Variants in SAXO1 observed in about 807,000 individuals in gnomAD.
SAXO1 encodes stabilizer of axonemal microtubules 1, also known as 4930500O09Rik.
Under a neutral mutation model 17.5 loss-of-function variants are expected in SAXO1, and 21 were observed. The ratio of observed to expected loss-of-function variants is 1.20; its 90% CI spans 0.85 to 1.72. The LOEUF is 1.72. Among genes scored for constraint, SAXO1 ranks in the 40% most tolerant of loss-of-function variants. The pLI is 0.00. For missense variants in SAXO1, 843 were observed against 596.0 expected (o/e 1.41, Z -4.32); for synonymous variants, 274 against 216.5 (o/e 1.27, Z -2.33).
intron 1 of SAXO1, among the ~76,000 whole-genome samples, chr9:18,962,881 C>T (rs1199511408): frequency 2.6e-5 from 4 of 152,156 alleles, no homozygotes; most frequent in African/African-American, 4.8e-5. Flanking sequence ...CCCATGCCTA[C>T]GTCCTGAATG....
chr9:19,005,546 C>T (rs1834449531), intron 1 of SAXO1, among the ~76,000 whole-genome samples: 1 of 152,092 alleles, frequency 6.6e-6, no homozygotes, highest in African/African-American at 2.4e-5. Context: ...CCTTTTTTAA[C>T]AAATGGCACA....
Position 18,928,840 on chromosome 9 carries a change from C to A in SAXO1, c.637G>T (p.Ala213Ser). 1 of 1,614,132 alleles carries A rather than the reference C, an allele frequency of 6.2e-7. No homozygotes were observed. The highest frequency in any genetic ancestry group is 8.5e-7 in the Non-Finnish European group (1 of 1,180,042). Residue 213 changes from alanine (A) to serine (S), a missense_variant, in exon 4 of 4, where the codon GCC becomes TCC. Transcript: ENST00000380534. The part of the protein sequence containing the change: ...DVTNYKMSYV[A>S]HPVEKRFVHE... ...ACAAAGCGCTTCTCCACGGGGTGGG[C>A]CACATAGCTCATCTTGTAGTTAGTC...
At chr9:19,030,435 G>A (rs1043594813) in intron 1 of SAXO1, among the ~76,000 whole-genome samples, 1 of 152,154 alleles carries the variant, frequency 6.6e-6, no homozygotes. Context: ...TGCCAGGCTC[G>A]GTGGCTCACG....
chr9:18,968,120 T>C (rs1202589058), intron 1 of SAXO1, among the ~76,000 whole-genome samples: 2 of 152,212 alleles, frequency 1.3e-5, no homozygotes, highest in Non-Finnish European at 2.9e-5. Flanking sequence ...AGTACCTCAG[T>C]TGGAAATGCA....
At chr9:19,033,807 A>G (rs2131059868), upstream of SAXO1, among the ~76,000 whole-genome samples, 1 of 152,236 alleles carries the variant, frequency 6.6e-6, no homozygotes, top group East Asian at 1.9e-4. Context: ...CCCCACCCCC[A>G]GTTTCTGATT....
At chr9:18,993,429 G>A (rs1833889291) in intron 1 of SAXO1, among the ~76,000 whole-genome samples, 1 of 152,128 alleles carries the variant, frequency 6.6e-6, no homozygotes, top group Non-Finnish European at 1.5e-5. Context: ...TCCTGCAGAA[G>A]CTACAGGACT....
chr9:19,041,361 T>A (rs1050812192), intron 1 of SAXO1, among the ~76,000 whole-genome samples: 1 of 152,134 alleles, frequency 6.6e-6, no homozygotes, highest in African/African-American at 2.4e-5. Flanking sequence ...GTTAAAATGT[T>A]CATGCTACCC....
At chr9:18,951,722 T>C (rs1391383716) in intron 1 of SAXO1, among the ~76,000 whole-genome samples, 1 of 152,216 alleles carries the variant, frequency 6.6e-6, no homozygotes, top group Non-Finnish European at 1.5e-5. Flanking sequence ...TGTTGGCAAG[T>C]TTGTTTATTG....
At chr9:19,000,566 C>A (rs62560402) in intron 1 of SAXO1, among the ~76,000 whole-genome samples, 3 of 152,132 alleles carry the variant, frequency 2.0e-5, no homozygotes, top group African/African-American at 7.2e-5. Context: ...TCTGCCCATA[C>A]GCCCCACCAT....
intron 1 of SAXO1, chr9:19,027,774 T>G: frequency 6.6e-7 from 1 of 1,507,218 alleles, no homozygotes; most frequent in Non-Finnish European, 9.1e-7. Context: ...CTGGAGCTTC[T>G]GAACCAGCTG....
At chr9:18,972,531 T>C (rs1464314986) in intron 1 of SAXO1, among the ~76,000 whole-genome samples, 1 of 152,196 alleles carries the variant, frequency 6.6e-6, no homozygotes, top group Non-Finnish European at 1.5e-5. Flanking sequence ...TCTCAATCTT[T>C]ACAATCTTAT....
At chr9:19,001,789 A>T (rs995537154) in intron 1 of SAXO1, among the ~76,000 whole-genome samples, 5 of 152,228 alleles carry the variant, frequency 3.3e-5, no homozygotes, top group Non-Finnish European at 7.3e-5. Flanking sequence ...CATAAGAGAA[A>T]GCATGAAAGA....
At chr9:18,982,463 CA>C (rs1833430306) in intron 1 of SAXO1, among the ~76,000 whole-genome samples, 1 of 152,184 alleles carries the variant, frequency 6.6e-6, no homozygotes, top group Admixed American at 6.5e-5. Context: ...CTGCAAAGTA[CA>C]ATGAAACACA....
In SAXO1 at chr9:18,928,307, C is replaced by T; in HGVS notation, c.1170G>A (p.Lys390=). Residue 390 remains lysine (K), a synonymous_variant, in exon 4 of 4, where the codon AAG becomes AAA. Coordinates refer to ENST00000380534, the MANE Select transcript of SAXO1 (RefSeq NM_153707.4). The part of the protein sequence containing the change: ...PHLPINTKSC[K]PHWSGPRGNV... ...TTCCTCGAGGGCCAGACCAATGAGG[C>T]TTACAGCTTTTGGTATTGATAGGCA... 1.2e-6 allele frequency: 2 copies of T among 1,613,318 alleles called. No individual in the cohort carries two copies. Among genetic ancestry groups the T allele is most frequent in the Non-Finnish European group, 1.7e-6 (2 of 1,179,592 alleles).
In SAXO1 at chr9:18,941,617, G is replaced by A. The variant is rs1196086839; in HGVS notation, c.421+20C>T. 1.4e-5 allele frequency: 23 copies of A among 1,613,218 alleles called. No homozygotes were observed. Among genetic ancestry groups the A allele is most frequent in the Non-Finnish European group, 1.5e-5 (18 of 1,179,534 alleles). On this transcript the variant is annotated intron_variant, in intron 3 of 3. Transcript: ENST00000380534. ...GCTCAGCCTGTCTTTCCCCCAATCTGCCCCTCTGTGCTCTCCCACCTTTAT... is the reference window on the plus strand; with the variant it reads ...GCTCAGCCTGTCTTTCCCCCAATCTACCCCTCTGTGCTCTCCCACCTTTAT...
chr9:18,972,166 A>G (rs879911608), intron 1 of SAXO1, among the ~76,000 whole-genome samples: 2 of 152,246 alleles, frequency 1.3e-5, no homozygotes, highest in Non-Finnish European at 2.9e-5. Flanking sequence ...AGGTGTTAGG[A>G]GAAAACAGGC....
At chr9:19,048,348 T>G (rs982127520) in intron 1 of SAXO1, among the ~76,000 whole-genome samples, 1 of 152,050 alleles carries the variant, frequency 6.6e-6, no homozygotes, top group South Asian at 2.1e-4. Context: ...TCCCAGCTAT[T>G]TGGGGGACTG....
At chr9:19,007,173 C>T (rs1834517607) in intron 1 of SAXO1, among the ~76,000 whole-genome samples, 1 of 151,798 alleles carries the variant, frequency 6.6e-6, no homozygotes, top group Non-Finnish European at 1.5e-5. Context: ...ATGGTGAAAC[C>T]CCATCTCTAC....
chr9:19,023,501 G>C (rs894123462), intron 1 of SAXO1, among the ~76,000 whole-genome samples: 4 of 152,120 alleles, frequency 2.6e-5, no homozygotes, highest in Non-Finnish European at 4.4e-5. Flanking sequence ...CTGTGAAATG[G>C]TTTAACATGA....
Sources: gnomAD v4.1 joint callset for allele counts (sites outside exome capture counted in the v4.1 genomes callset) on GRCh38, gnomAD v4.1.1 for gene constraint, MANE v1.5 for transcripts, NCBI Gene and HGNC (gene_info 2026-07-23, HGNC 2026-07-21) for gene names.